PCDH9: variants seen among roughly 807,000 people sequenced by gnomAD.
The protein encoded by PCDH9 is protocadherin-9.
In PCDH9, 24 loss-of-function variants were observed where a neutral mutation model predicts 70.6. The observed-to-expected ratio is 0.34, with a 90% CI of 0.25 to 0.48. The LOEUF (loss-of-function observed/expected upper bound fraction) is 0.48, where lower values mean the gene tolerates loss of function less well. PCDH9 is among the 20% of genes least tolerant of loss of function. The probability of loss-of-function intolerance (pLI) is 0.99; values close to 1 mark genes in which losing one functional copy is unlikely to be tolerated. For synonymous variants in PCDH9, 562 were observed against 558.5 expected, an observed-to-expected ratio of 1.01 and a Z score of -0.09; for missense variants, 1,281 against 1,503.6, an observed-to-expected ratio of 0.85 and a Z score of 2.45.
intron 4 of PCDH9, among the ~76,000 whole-genome samples, chr13:66,608,492 G>T (rs544668365): frequency 6.6e-6 from 1 of 152,170 alleles, no homozygotes; most frequent in Middle Eastern, 3.4e-3. Context: ...GGTATAAAGA[G>T]GCAGCATTAT....
rs181094760 is a variant in PCDH9 at position 66,902,262 on chromosome 13, C to T, written c.3138+1242G>A. ...TCATTTCTAAGTATTTAGACCCACA[C>T]AAAGAAAAAGAAATAGAATAAAAAT... On this transcript the variant is annotated intron_variant, in intron 3 of 4. Coordinates refer to ENST00000377865, the MANE Select transcript of PCDH9 (RefSeq NM_203487.3). Among the ~76,000 whole-genome samples, 5 of 151,630 alleles carry T rather than the reference C, an allele frequency of 3.3e-5. No homozygotes were observed. The East Asian group carries it at 9.6e-4, about 29-fold the overall frequency.
Position 66,331,664 on chromosome 13 carries a change from G to C in PCDH9, c.3341-26636C>G, listed in dbSNP as rs1235435114. Among the ~76,000 whole-genome samples, 3 of 152,094 alleles carry C rather than the reference G, an allele frequency of 2.0e-5. No homozygotes were observed. The East Asian group carries it at 5.8e-4, about 29-fold the overall frequency. On this transcript the variant is annotated intron_variant, in intron 4 of 4. Coordinates refer to ENST00000377865, the MANE Select transcript of PCDH9 (RefSeq NM_203487.3). ...TTCTGCAAATCTTTATTGATCCTCT[G>C]GTTGTTTCAGTTACTCTGCTAGGTA...
At chr13:67,082,292 C>T (rs2086001568) in intron 2 of PCDH9, among the ~76,000 whole-genome samples, 1 of 152,188 alleles carries the variant, frequency 6.6e-6, no homozygotes, top group Non-Finnish European at 1.5e-5. Flanking sequence ...TGACCCTCTG[C>T]TTTTATGAAT....
chr13:66,698,896 T>A (rs1347245233), intron 3 of PCDH9, among the ~76,000 whole-genome samples: 29 of 2,668 alleles, frequency 0.011, no homozygotes, highest in Non-Finnish European at 0.037. Context: ...TCAATTCCTC[T>A]TTTTTTTTTT....
chr13:66,571,051 G>C (rs2076726570), intron 4 of PCDH9, among the ~76,000 whole-genome samples: 3 of 151,914 alleles, frequency 2.0e-5, no homozygotes. Context: ...ATTTTATCCT[G>C]CTATTCTAGG....
chr13:66,643,629 T>C (rs2077736021), intron 3 of PCDH9, among the ~76,000 whole-genome samples: 2 of 152,186 alleles, frequency 1.3e-5, no homozygotes, highest in South Asian at 2.1e-4. Context: ...CAAGAACTTC[T>C]ATATGTCAAA....
intron 2 of PCDH9, among the ~76,000 whole-genome samples, chr13:67,016,936 C>T (rs1375291553): frequency 6.6e-6 from 1 of 151,994 alleles, no homozygotes; most frequent in Non-Finnish European, 1.5e-5. Context: ...CCATTAAGTG[C>T]TCAATGATAT....
chr13:66,326,636 C>G (rs1319648956), intron 4 of PCDH9, among the ~76,000 whole-genome samples: 2 of 152,016 alleles, frequency 1.3e-5, no homozygotes, highest in Admixed American at 1.3e-4. Flanking sequence ...CCAGGCTGAT[C>G]TCCAACTCCT....
At chr13:66,953,165 T>C (rs2083211453) in intron 2 of PCDH9, among the ~76,000 whole-genome samples, 1 of 152,084 alleles carries the variant, frequency 6.6e-6, no homozygotes, top group East Asian at 1.9e-4. Context: ...TTCACAAACA[T>C]ACATATATAA....
rs554218921 is a variant in PCDH9, at chr13:66,771,826, A to G, written c.3138+131678T>C. Reference sequence around the variant, plus strand: ...CCCATGGAATTATCATCAATATTAAATGAGAAAAAGTTGCATAAATCACTG... The same window carrying G: ...CCCATGGAATTATCATCAATATTAAGTGAGAAAAAGTTGCATAAATCACTG... On this transcript the variant is annotated intron_variant, in intron 3 of 4. Coordinates refer to ENST00000377865, the MANE Select transcript of PCDH9 (RefSeq NM_203487.3). Among the ~76,000 whole-genome samples, 60 of 152,356 alleles carry G rather than the reference A, an allele frequency of 3.9e-4. 1 individual carries two copies. Among genetic ancestry groups the G allele is most frequent in the African/African-American group, 1.4e-3 (57 of 41,584 alleles).
intron 4 of PCDH9, among the ~76,000 whole-genome samples, chr13:66,363,836 G>A (rs1420500997): frequency 6.6e-6 from 1 of 152,086 alleles, no homozygotes; most frequent in Non-Finnish European, 1.5e-5. Flanking sequence ...TAATGATGTT[G>A]GGCCTACTAC....
chr13:66,339,239 A>C (rs986946958), intron 4 of PCDH9, among the ~76,000 whole-genome samples: 1 of 151,874 alleles, frequency 6.6e-6, no homozygotes, highest in African/African-American at 2.4e-5. Context: ...CAACAACAAC[A>C]AAAAAACAGT....
chr13:67,038,140 AAC>A (rs1337685591), intron 2 of PCDH9, among the ~76,000 whole-genome samples: 2 of 152,210 alleles, frequency 1.3e-5, no homozygotes, highest in Non-Finnish European at 2.9e-5. Context: ...TGATGTAAAT[AAC>A]AGTTCATAAG....
chr13:66,506,459 A>T (rs1298173143), intron 4 of PCDH9, among the ~76,000 whole-genome samples: 1 of 152,250 alleles, frequency 6.6e-6, no homozygotes, highest in African/African-American at 2.4e-5. Flanking sequence ...AACATGTCAG[A>T]AATGAGAAAA....
intron 4 of PCDH9, among the ~76,000 whole-genome samples, chr13:66,488,625 T>C (rs1958985014): frequency 1.3e-5 from 2 of 152,280 alleles, no homozygotes; most frequent in Non-Finnish European, 2.9e-5. Context: ...TAAGAATTAT[T>C]GTGATCAAAT....
intron 4 of PCDH9, among the ~76,000 whole-genome samples, chr13:66,589,288 T>C (rs1447739015): frequency 6.6e-6 from 1 of 152,132 alleles, no homozygotes; most frequent in East Asian, 1.9e-4. Context: ...GTCAGCTAGA[T>C]AGAAGGAATT....
At chr13:66,639,694 G>A (rs2077684215) in intron 3 of PCDH9, among the ~76,000 whole-genome samples, 1 of 152,102 alleles carries the variant, frequency 6.6e-6, no homozygotes, top group South Asian at 2.1e-4. Context: ...AGAAAGTTCT[G>A]AATCAACTTC....
At chr13:66,438,014 A>G (rs1957905667) in intron 4 of PCDH9, among the ~76,000 whole-genome samples, 1 of 152,024 alleles carries the variant, frequency 6.6e-6, no homozygotes, top group Admixed American at 6.6e-5. Flanking sequence ...CGGGTGGATC[A>G]CCTGAGGTCA....
rs577276715 is a variant in PCDH9 at position 66,829,779 on chromosome 13, T to C, written c.3138+73725A>G. On this transcript the variant is annotated intron_variant, in intron 3 of 4. Coordinates refer to ENST00000377865, the MANE Select transcript of PCDH9 (RefSeq NM_203487.3). ...TAGAATATTGAAAAACTATAGATTTTGTTCTAGAAATCTGGGGTTCTATAA... is the reference window on the plus strand; with the variant it reads ...TAGAATATTGAAAAACTATAGATTTCGTTCTAGAAATCTGGGGTTCTATAA... Among the ~76,000 whole-genome samples the C allele has an allele frequency of 3.4e-5, 5 of 147,346 alleles. No individual in the cohort carries two copies. In the South Asian group the frequency reaches 1.1e-3, roughly 32 times the overall value.
Sources: allele counts gnomAD v4.1 joint callset (sites outside exome capture counted in the v4.1 genomes callset), GRCh38; gene constraint gnomAD v4.1.1; transcripts MANE v1.5; gene names NCBI Gene and HGNC (gene_info 2026-07-23, HGNC 2026-07-21).